SULF2: variants seen among roughly 807,000 people sequenced by gnomAD.
SULF2 encodes the protein extracellular sulfatase Sulf-2.
Under a neutral mutation model 107.7 loss-of-function variants are expected in SULF2, and 52 were observed. That is an observed-to-expected ratio of 0.48 (90% CI 0.39 to 0.61). SULF2 has a LOEUF of 0.61. Ranked by LOEUF, SULF2 falls within the 20% of genes least tolerant of loss-of-function variation. The pLI, the probability that SULF2 is intolerant of heterozygous loss-of-function variation, is 0.00. For synonymous variants in SULF2, 460 were observed against 464.3 expected (o/e 0.99, Z 0.12); for missense variants, 993 against 1,177.3 (o/e 0.84, Z 2.29).
At chr20:47,730,238 C>T in intron 3 of SULF2, among the ~76,000 whole-genome samples, 1 of 152,228 alleles carries the variant, frequency 6.6e-6, no homozygotes, top group Non-Finnish European at 1.5e-5. Context: ...GTACCCCCTG[C>T]TCCCCTGACG....
At chr20:47,757,891 G>A (rs6125102) in intron 1 of SULF2, among the ~76,000 whole-genome samples, 21,623 of 152,124 alleles carry the variant, frequency 0.14, 1,940 homozygotes, top group South Asian at 0.38. Context: ...AGAGGTGAGG[G>A]AGATGAAGTT....
At chr20:47,750,490 C>T (rs2090136580) in intron 2 of SULF2, among the ~76,000 whole-genome samples, 1 of 152,208 alleles carries the variant, frequency 6.6e-6, no homozygotes, top group Non-Finnish European at 1.5e-5. Context: ...CATGCCTGGA[C>T]CATTGCAATA....
At chr20:47,665,801 G>C in intron 13 of SULF2, 56 bp downstream of exon 13, 1 of 1,469,854 alleles carries the variant, frequency 6.8e-7, no homozygotes, top group Non-Finnish European at 9.5e-7. Flanking sequence ...GTGAACCGGG[G>C]GTCCTGCCAG....
intron 1 of SULF2, among the ~76,000 whole-genome samples, chr20:47,782,841 T>TAC (rs1384043907): frequency 2.0e-5 from 3 of 152,212 alleles, no homozygotes; most frequent in African/African-American, 7.2e-5. Flanking sequence ...AGTGGGGGTT[T>TAC]ATGGAAAGTT....
Position 47,674,220 on chromosome 20 carries a change from C to T in SULF2, c.1381-1827G>A, listed in dbSNP as rs1457323469. On this transcript the variant is annotated intron_variant, in intron 10 of 20. Transcript: ENST00000688720. Reference sequence around the variant, plus strand: ...GCCCCTGCAACTACTCATGTAGAAGCCGTGTCCACATGGCCCGTCCCGAGG... The same window carrying T: ...GCCCCTGCAACTACTCATGTAGAAGTCGTGTCCACATGGCCCGTCCCGAGG... Among the ~76,000 whole-genome samples the T allele has an allele frequency of 3.9e-5, 6 of 152,272 alleles. No homozygotes were observed. The South Asian group carries it at 1.2e-3, about 32-fold the overall frequency.
intron 5 of SULF2, among the ~76,000 whole-genome samples, chr20:47,688,568 T>C (rs2088091304): frequency 6.6e-6 from 1 of 152,068 alleles, no homozygotes; most frequent in African/African-American, 2.4e-5. Flanking sequence ...CAGGGCTGAG[T>C]GGCCTCCACC....
chr20:47,737,416 T>C (rs977416878), intron 2 of SULF2, among the ~76,000 whole-genome samples: 1 of 151,672 alleles, frequency 6.6e-6, no homozygotes, highest in Non-Finnish European at 1.5e-5. Flanking sequence ...GATTATACTT[T>C]CTTTTCTTTG....
intron 3 of SULF2, among the ~76,000 whole-genome samples, chr20:47,714,753 TC>T (rs1568849746): frequency 6.6e-6 from 1 of 151,850 alleles, no homozygotes; most frequent in Non-Finnish European, 1.5e-5. Context: ...GCCCCCACTT[TC>T]CCCCCAGCCT....
At chr20:47,701,309 G>A (rs1331375661) in intron 4 of SULF2, among the ~76,000 whole-genome samples, 1 of 152,162 alleles carries the variant, frequency 6.6e-6, no homozygotes, top group Non-Finnish European at 1.5e-5. Flanking sequence ...GAGTCTTCTG[G>A]AAGTGCTCTA....
chr20:47,759,642 AGATCAT>A (rs1369457984), intron 1 of SULF2, among the ~76,000 whole-genome samples: 9 of 152,216 alleles, frequency 5.9e-5, no homozygotes, highest in Non-Finnish European at 1.2e-4. Flanking sequence ...CAGTGAGCCG[AGATCAT>A]GTCATTGCAC....
At chr20:47,691,873 T>C (rs2088207902) in intron 4 of SULF2, among the ~76,000 whole-genome samples, 1 of 152,078 alleles carries the variant, frequency 6.6e-6, no homozygotes, top group Admixed American at 6.6e-5. Context: ...GAAGTTGAGG[T>C]TTGCCTATAC....
At chr20:47,717,028 G>A (rs1232790685) in intron 3 of SULF2, among the ~76,000 whole-genome samples, 1 of 151,892 alleles carries the variant, frequency 6.6e-6, no homozygotes, top group African/African-American at 2.4e-5. Context: ...AAATAAAATG[G>A]GTATGCAGAT....
intron 1 of SULF2, among the ~76,000 whole-genome samples, chr20:47,776,451 C>T (rs183657764): frequency 2.6e-5 from 4 of 152,272 alleles, no homozygotes; most frequent in African/African-American, 4.8e-5. Context: ...GGAGCGCGCA[C>T]TTAAACCACC....
Position 47,676,368 on chromosome 20 carries a change from C to G in SULF2, c.1380+126G>C, listed in dbSNP as rs11906661. On this transcript the variant is annotated intron_variant, in intron 10 of 20. Coordinates refer to ENST00000688720, the MANE Select transcript of SULF2 (RefSeq NM_001387048.1). Reference sequence around the variant, plus strand: ...ACCAAACAGCATCTTGGGCACCACACGGCAGCAAAGGACTACCCGTTGGGA... The same window carrying G: ...ACCAAACAGCATCTTGGGCACCACAGGGCAGCAAAGGACTACCCGTTGGGA... 1.5e-5 allele frequency: 15 copies of G among 1,033,188 alleles called. No individual in the cohort carries two copies. In the South Asian group the frequency reaches 2.5e-4, roughly 17 times the overall value. The allele number at this position is 1,033,188 out of a possible 1,614,324, so 64.0% of individuals were successfully genotyped here.
At chr20:47,715,674 C>T (rs748999255) in intron 3 of SULF2, among the ~76,000 whole-genome samples, 7 of 151,810 alleles carry the variant, frequency 4.6e-5, no homozygotes, top group African/African-American at 1.2e-4. Flanking sequence ...CTCTGCCTCC[C>T]GGGTTCCAGT....
At chr20:47,658,648 G>A (rs2086970497) in intron 20 of SULF2, among the ~76,000 whole-genome samples, 1 of 152,184 alleles carries the variant, frequency 6.6e-6, no homozygotes, top group Admixed American at 6.5e-5. Context: ...TAAAGATTCT[G>A]TACCTTAATT....
rs750303937 is a variant in SULF2 at position 47,676,531 on chromosome 20, C to T, written c.1343G>A (p.Arg448His). The change falls in exon 10 of 21, where the codon CGT becomes CAT. Residue 448 changes from arginine to histidine, a missense_variant. Coordinates refer to ENST00000688720, the MANE Select transcript of SULF2 (RefSeq NM_001387048.1). Reference protein sequence around the residue: ...KYQRVKDLCQRAEYQTACEQL... With the variant: ...KYQRVKDLCQHAEYQTACEQL... Reference sequence around the variant, plus strand: ...CTCACACGCCGTCTGGTACTCAGCACGCTGACACAGGTCCTTCACACGCTG... The same window carrying T: ...CTCACACGCCGTCTGGTACTCAGCATGCTGACACAGGTCCTTCACACGCTG... The T allele has an allele frequency of 2.1e-5, 34 of 1,601,568 alleles. No individual in the cohort carries two copies. Among genetic ancestry groups the T allele is most frequent in the Non-Finnish European group, 2.5e-5 (29 of 1,174,908 alleles).
Position 47,676,532 on chromosome 20 carries a change from G to C in SULF2, c.1342C>G (p.Arg448Gly), listed in dbSNP as rs1001038789. ...TCACACGCCGTCTGGTACTCAGCAC[G>C]CTGACACAGGTCCTTCACACGCTGG... ...KYQRVKDLCQRAEYQTACEQL... is the reference protein window; with the variant it reads ...KYQRVKDLCQGAEYQTACEQL... Residue 448 changes from arginine to glycine, a missense_variant, in exon 10 of 21, where the codon CGT becomes GGT. This residue lies in a region of SULF2 where 108 missense variants were observed against 183.9 expected (regional missense o/e 0.59). Coordinates refer to ENST00000688720, the MANE Select transcript of SULF2 (RefSeq NM_001387048.1). 2.5e-6 allele frequency: 4 copies of C among 1,600,478 alleles called. No homozygotes were observed. In the African/African-American group the frequency reaches 4.0e-5, roughly 16 times the overall value.
chr20:47,690,265 T>A lies in SULF2; in HGVS notation c.598A>T (p.Ser200Cys), dbSNP rs750523819. The A allele has an allele frequency of 2.6e-6, 4 of 1,548,130 alleles. No homozygotes were observed. The highest frequency in any genetic ancestry group is 3.5e-6 in the Non-Finnish European group (4 of 1,143,182). ...TTGGACGTGCGGAAGAAGCTCACGC[T>A]GTCATTGGTGATGAGGTCTGTGAGG... The part of the protein sequence containing the change: ...DYLTDLITND[S>C]VSFFRTSKKM... Residue 200 changes from serine (S) to cysteine (C), a missense_variant, in exon 5 of 21, where the codon AGC becomes TGC. By Grantham distance (112) the Ser-to-Cys change is moderately radical (BLOSUM62 -1). Transcript: ENST00000688720.
Sources: allele counts gnomAD v4.1 joint callset (sites outside exome capture counted in the v4.1 genomes callset), GRCh38; gene constraint gnomAD v4.1.1; regional missense constraint gnomAD v4.1.1; transcripts MANE v1.5; gene names NCBI Gene and HGNC (gene_info 2026-07-23, HGNC 2026-07-21).